Variants in EPB41L2 observed in about 807,000 individuals in gnomAD.
The protein encoded by EPB41L2 is band 4.1-like protein 2.
In EPB41L2, 43 loss-of-function variants were observed where a neutral mutation model predicts 113.0. The observed-to-expected ratio is 0.38, with a 90% CI of 0.30 to 0.49. EPB41L2 has a LOEUF of 0.49. EPB41L2 is among the 20% of genes least tolerant of loss of function. The probability of loss-of-function intolerance (pLI) is 0.95; values close to 1 mark genes in which losing one functional copy is unlikely to be tolerated. For missense variants in EPB41L2, 1,147 were observed against 1,223.4 expected, an observed-to-expected ratio of 0.94 and a Z score of 0.93; for synonymous variants, 442 against 436.7, an observed-to-expected ratio of 1.01 and a Z score of -0.15.
At chr6:130,871,858 G>T (rs1478396570) in intron 14 of EPB41L2, among the ~76,000 whole-genome samples, 1 of 152,150 alleles carries the variant, frequency 6.6e-6, no homozygotes. Context: ...TATTATTATA[G>T]ATCAGTGAAT....
intron 1 of EPB41L2, among the ~76,000 whole-genome samples, chr6:131,060,425 T>G (rs1376955065): frequency 6.6e-6 from 1 of 152,262 alleles, no homozygotes; most frequent in Non-Finnish European, 1.5e-5. Flanking sequence ...TTGTCATCTT[T>G]GCAAGTATTT....
chr6:130,995,062 C>T (rs996367281), intron 1 of EPB41L2, among the ~76,000 whole-genome samples: 1 of 152,182 alleles, frequency 6.6e-6, no homozygotes, highest in Non-Finnish European at 1.5e-5. Flanking sequence ...GCCGGCCAGG[C>T]GTGGTGGCTC....
intron 1 of EPB41L2, among the ~76,000 whole-genome samples, chr6:131,045,299 C>T (rs1038429461): frequency 4.7e-5 from 5 of 106,474 alleles, no homozygotes; most frequent in Non-Finnish European, 8.5e-5. Context: ...TTACAGCCCA[C>T]ATTTTACACA....
At chr6:130,925,965 T>C (rs1017131725) in intron 4 of EPB41L2, among the ~76,000 whole-genome samples, 9 of 152,362 alleles carry the variant, frequency 5.9e-5, no homozygotes, top group African/African-American at 2.2e-4. Flanking sequence ...TATTATCTTA[T>C]ATTTCATTAG....
intron 1 of EPB41L2, among the ~76,000 whole-genome samples, chr6:131,053,182 C>T (rs905747634): frequency 6.6e-6 from 1 of 151,980 alleles, no homozygotes; most frequent in Non-Finnish European, 1.5e-5. Flanking sequence ...AGGCATGAAT[C>T]ACCGTGCCCA....
At chr6:131,055,936 T>C (rs918470389) in intron 1 of EPB41L2, among the ~76,000 whole-genome samples, 3 of 152,208 alleles carry the variant, frequency 2.0e-5, no homozygotes, top group African/African-American at 7.2e-5. Context: ...AAGCTAGAAC[T>C]GAGCATAAAA....
intron 1 of EPB41L2, among the ~76,000 whole-genome samples, chr6:130,966,983 T>A (rs1775382599): frequency 6.6e-6 from 1 of 152,174 alleles, no homozygotes; most frequent in South Asian, 2.1e-4. Context: ...ACCCACCACT[T>A]ACCCCCAATC....
intron 1 of EPB41L2, chr6:131,015,791 A>G (rs1295939462): frequency 6.6e-6 from 1 of 152,208 alleles, no homozygotes; most frequent in East Asian, 1.9e-4. Flanking sequence ...AGAGGGATAG[A>G]GTGAGCTAGA....
chr6:130,926,544 C>T (rs903646377), intron 4 of EPB41L2, 61 bp downstream of exon 4: 41 of 1,202,782 alleles, frequency 3.4e-5, no homozygotes, highest in Non-Finnish European at 4.4e-5. Flanking sequence ...CTGAGATAAA[C>T]TGGTTAATAA....
At chr6:131,018,952 G>A (rs1318002324) in intron 1 of EPB41L2, among the ~76,000 whole-genome samples, 1 of 152,156 alleles carries the variant, frequency 6.6e-6, no homozygotes, top group African/African-American at 2.4e-5. Flanking sequence ...ATGTGGTAGG[G>A]ACAAAATCTT....
intron 14 of EPB41L2, among the ~76,000 whole-genome samples, chr6:130,872,154 A>AT (rs1369837649): frequency 9.9e-5 from 15 of 151,836 alleles, no homozygotes; most frequent in African/African-American, 3.1e-4. Flanking sequence ...GAATTTAGGC[A>AT]GATTTTTTTT....
At chr6:130,961,574 C>T (rs1773542728) in intron 1 of EPB41L2, among the ~76,000 whole-genome samples, 1 of 152,150 alleles carries the variant, frequency 6.6e-6, no homozygotes, top group South Asian at 2.1e-4. Context: ...GCAAGCAAAG[C>T]AAAGCAGATA....
chr6:130,971,436 G>T lies in EPB41L2; in HGVS notation c.-14-14937C>A, dbSNP rs917305530. On this transcript the variant is annotated intron_variant, in intron 1 of 19. Transcript: ENST00000337057. Reference sequence around the variant, plus strand: ...TGGCTTCTCTTTGACATATTCAAATGGCCACTATCACTATTCTTGTACTTT... The same window carrying T: ...TGGCTTCTCTTTGACATATTCAAATTGCCACTATCACTATTCTTGTACTTT... Among the ~76,000 whole-genome samples the T allele has an allele frequency of 3.9e-5, 6 of 152,032 alleles. No individual in the cohort carries two copies. The South Asian group carries it at 1.2e-3, about 32-fold the overall frequency.
chr6:130,957,399 C>T (rs868815838), intron 1 of EPB41L2, among the ~76,000 whole-genome samples: 8 of 152,330 alleles, frequency 5.3e-5, no homozygotes, highest in Middle Eastern at 3.4e-3. Flanking sequence ...GCGGGGCCTG[C>T]GGAGATAGCC....
chr6:130,880,473 T>A, intron 12 of EPB41L2: 1 of 655,074 alleles, frequency 1.5e-6, no homozygotes, highest in East Asian at 2.7e-5. Flanking sequence ...CTGCGTTTCC[T>A]CTTCTTCCAT....
intron 1 of EPB41L2, among the ~76,000 whole-genome samples, chr6:131,058,493 T>C (rs182171878): frequency 6.6e-6 from 1 of 152,314 alleles, no homozygotes; most frequent in East Asian, 1.9e-4. Flanking sequence ...CGACATGATA[T>C]TTCTACATGA....
chr6:130,881,219 G>A (rs1789214341), intron 12 of EPB41L2: 1 of 152,124 alleles, frequency 6.6e-6, no homozygotes, highest in Non-Finnish European at 1.5e-5. Flanking sequence ...AACCTTTATA[G>A]GTTAATTCCT....
chr6:130,859,494 G>T (rs11754472), intron 18 of EPB41L2, among the ~76,000 whole-genome samples: 1 of 148,186 alleles, frequency 6.7e-6, no homozygotes, highest in Admixed American at 6.7e-5. Context: ...CTGGGCAACA[G>T]AGTGAGACTT....
Position 130,959,558 on chromosome 6 carries a change from T to C in EPB41L2, c.-14-3059A>G, listed in dbSNP as rs528239796. ...CGTAAGAGGGAATAGTTAACTATTATACCCACATATTCTTTGCTGCTTCTC... is the reference window on the plus strand; with the variant it reads ...CGTAAGAGGGAATAGTTAACTATTACACCCACATATTCTTTGCTGCTTCTC... On this transcript the variant is annotated intron_variant, in intron 1 of 19. Coordinates refer to ENST00000337057, the MANE Select transcript of EPB41L2 (RefSeq NM_001431.4). Among the ~76,000 whole-genome samples the C allele has an allele frequency of 5.3e-5, 8 of 152,326 alleles. No individual in the cohort carries two copies. In the South Asian group the frequency reaches 1.7e-3, roughly 32 times the overall value.
Sources: allele counts gnomAD v4.1 joint callset (sites outside exome capture counted in the v4.1 genomes callset), GRCh38; gene constraint gnomAD v4.1.1; transcripts MANE v1.5; gene names NCBI Gene and HGNC (gene_info 2026-07-23, HGNC 2026-07-21).